Variants in SHC3 observed in about 807,000 individuals in gnomAD.
SHC3 encodes SHC adaptor protein 3.
SHC3 carries 15 observed loss-of-function variants against 60.4 expected under a neutral mutation model. The observed-to-expected ratio is 0.25, with a 90% CI of 0.17 to 0.38. SHC3 has a LOEUF of 0.38. Ranked by LOEUF, SHC3 falls within the 10% of genes least tolerant of loss-of-function variation. The probability of loss-of-function intolerance (pLI) is 1.00; values close to 1 mark genes in which losing one functional copy is unlikely to be tolerated. For synonymous variants in SHC3, 294 were observed against 325.9 expected, an observed-to-expected ratio of 0.90 and a Z score of 1.05; for missense variants, 677 against 786.1, an observed-to-expected ratio of 0.86 and a Z score of 1.66.
chr9:89,061,878 A>G (rs1312653863), intron 6 of SHC3, among the ~76,000 whole-genome samples: 1 of 152,174 alleles, frequency 6.6e-6, no homozygotes, highest in African/African-American at 2.4e-5. Context: ...CAGTTATCAG[A>G]TCAAAAAAAC....
chr9:89,045,937 C>A (rs1007952273), intron 8 of SHC3, 104 bp from the exon 9 acceptor site: 2 of 1,111,752 alleles, frequency 1.8e-6, no homozygotes, highest in Admixed American at 1.9e-5. Flanking sequence ...TAAGGTGGTT[C>A]GCATCCTCTG....
At chr9:89,078,009 A>G in intron 2 of SHC3, 106 bp from the exon 3 acceptor site, 1 of 1,334,126 alleles carries the variant, frequency 7.5e-7, no homozygotes. Context: ...TGTTTATTTC[A>G]GTATAGAAAA....
intron 7 of SHC3, 122 bp downstream of exon 7, chr9:89,051,915 G>C: frequency 7.1e-7 from 1 of 1,414,962 alleles, no homozygotes; most frequent in South Asian, 1.3e-5. Flanking sequence ...AGGTGTCTCT[G>C]AGCCCAGGAA....
chr9:89,044,957 G>A (rs1281859096), intron 9 of SHC3, among the ~76,000 whole-genome samples: 1 of 152,158 alleles, frequency 6.6e-6, no homozygotes, highest in Non-Finnish European at 1.5e-5. Context: ...GCTTAGAGTA[G>A]GGGGCTTCAC....
At position 89,065,422 on chromosome 9, in the gene SHC3, A is replaced by C. The variant is rs542767122; in HGVS notation, c.835+107T>G. ...TTCATCCTTAGTAATACAAGATGGC[A>C]CTACTCATTTGTTGGGAGGGGGCTG... On this transcript the variant is annotated intron_variant, in intron 6 of 11. Transcript: ENST00000375835. 4.7e-4 allele frequency: 535 copies of C among 1,142,776 alleles called. 1 individual carries two copies. Among genetic ancestry groups the C allele is most frequent in the Non-Finnish European group, 6.3e-4 (481 of 761,520 alleles). The allele number at this position is 1,142,776 out of a possible 1,614,324, so 70.8% of individuals were successfully genotyped here.
chr9:89,028,754 T>C (rs1294666804), intron 11 of SHC3, among the ~76,000 whole-genome samples: 2 of 145,622 alleles, frequency 1.4e-5, no homozygotes, highest in East Asian at 4.0e-4. Flanking sequence ...ATATATATTC[T>C]CTCTATATAT....
intron 8 of SHC3, 36 bp from the exon 9 acceptor site, chr9:89,045,869 T>C: frequency 1.2e-6 from 2 of 1,600,838 alleles, no homozygotes; most frequent in Non-Finnish European, 1.7e-6. Flanking sequence ...ATGAAAAAAT[T>C]ATTTTCTTCT....
chr9:89,152,525 CAT>C (rs950538538), intron 1 of SHC3, among the ~76,000 whole-genome samples: 1 of 152,224 alleles, frequency 6.6e-6, no homozygotes, highest in Non-Finnish European at 1.5e-5. Context: ...GTCCACCACA[CAT>C]GTTCTAGATG....
chr9:89,089,250 C>T (rs1825582065), intron 2 of SHC3, among the ~76,000 whole-genome samples: 1 of 152,150 alleles, frequency 6.6e-6, no homozygotes, highest in Non-Finnish European at 1.5e-5. Context: ...TGAAAAGAAG[C>T]CCCACTGATA....
intron 11 of SHC3, among the ~76,000 whole-genome samples, chr9:89,030,847 C>G (rs1054255369): frequency 6.6e-6 from 1 of 152,078 alleles, no homozygotes; most frequent in Non-Finnish European, 1.5e-5. Flanking sequence ...TGTGGAATAC[C>G]CCACCTTATG....
chr9:89,027,465 T>C (rs920101881), intron 11 of SHC3, among the ~76,000 whole-genome samples: 5 of 151,868 alleles, frequency 3.3e-5, no homozygotes, highest in Admixed American at 1.3e-4. Flanking sequence ...TACAGGCACC[T>C]GCCACCTCAC....
Position 89,052,090 on chromosome 9 carries a change from G to A in SHC3, c.909C>T (p.Leu303=), listed in dbSNP as rs1319436785. The change falls in exon 7 of 12, where the codon CTC becomes CTT. Residue 303 remains leucine (L), a synonymous_variant. Transcript: ENST00000375835. ...VIGSIGQAFE[L]RFKQYLQCPT... is the part of the protein sequence containing the mutation. Reference sequence around the variant, plus strand: ...GACACTGTAAATATTGCTTAAACCGGAGCTCAAAGGCTTGTCCGATGGAGC... The same window carrying A: ...GACACTGTAAATATTGCTTAAACCGAAGCTCAAAGGCTTGTCCGATGGAGC... 1.9e-6 allele frequency: 3 copies of A among 1,613,974 alleles called. No homozygotes were observed. The highest frequency in any genetic ancestry group is 2.5e-6 in the Non-Finnish European group (3 of 1,179,996).
Position 89,065,513 on chromosome 9 carries a change from G to T in SHC3, c.835+16C>A, listed in dbSNP as rs1342695344. ...TGTACACAAACAAGAGATTAAAGGGGTCAAGCACCGCTTACCTCTGCGATT... is the reference window on the plus strand; with the variant it reads ...TGTACACAAACAAGAGATTAAAGGGTTCAAGCACCGCTTACCTCTGCGATT... On this transcript the variant is annotated intron_variant, in intron 6 of 11. Coordinates refer to ENST00000375835, the MANE Select transcript of SHC3 (RefSeq NM_016848.6). 1.2e-6 allele frequency: 2 copies of T among 1,613,780 alleles called. No individual in the cohort carries two copies. Among genetic ancestry groups the T allele is most frequent in the Admixed American group, 3.3e-5 (2 of 59,978 alleles).
chr9:89,022,770 ATAAGTGCCTAGTGCACTTATTT>A (rs1826227036), intron 11 of SHC3, among the ~76,000 whole-genome samples: 1 of 152,186 alleles, frequency 6.6e-6, no homozygotes, highest in African/African-American at 2.4e-5. Context: ...CGTCTTTAAA[ATAAGTGCCTAGTGCACTTATTT>A]TAAGTGCATC....
chr9:89,131,755 A>G (rs1184966074), intron 1 of SHC3, among the ~76,000 whole-genome samples: 1 of 152,196 alleles, frequency 6.6e-6, no homozygotes, highest in Non-Finnish European at 1.5e-5. Flanking sequence ...GATGGGACAT[A>G]CCTCAAAATA....
intron 1 of SHC3, among the ~76,000 whole-genome samples, chr9:89,160,262 A>T (rs1826684802): frequency 6.6e-6 from 1 of 152,090 alleles, no homozygotes; most frequent in South Asian, 2.1e-4. Context: ...TCTCACTCTG[A>T]TTCTCCTGCT....
intron 4 of SHC3, among the ~76,000 whole-genome samples, chr9:89,074,691 CAAAAA>C (rs68051828): frequency 6.3e-4 from 38 of 59,928 alleles, no homozygotes; most frequent in African/African-American, 2.3e-3. Context: ...GCCACTAAAG[CAAAAA>C]AAAAAAAAAA....
chr9:89,147,571 T>C (rs1826488090), intron 1 of SHC3, among the ~76,000 whole-genome samples: 1 of 152,108 alleles, frequency 6.6e-6, no homozygotes, highest in Admixed American at 6.6e-5. Flanking sequence ...AAATATCATG[T>C]GGCCAAGAAA....
At chr9:89,103,549 A>G (rs1275854220) in intron 2 of SHC3, among the ~76,000 whole-genome samples, 4 of 152,138 alleles carry the variant, frequency 2.6e-5, no homozygotes, top group Non-Finnish European at 4.4e-5. Context: ...TTAAGAGAAA[A>G]TCCGGATGTG....
Sources: allele counts gnomAD v4.1 joint callset (sites outside exome capture counted in the v4.1 genomes callset), GRCh38; gene constraint gnomAD v4.1.1; transcripts MANE v1.5; gene names NCBI Gene and HGNC (gene_info 2026-07-23, HGNC 2026-07-21).